ATL3: variants seen among roughly 807,000 people sequenced by gnomAD.
ATL3 encodes atlastin GTPase 3.
ATL3 carries 49 observed loss-of-function variants against 69.5 expected under a neutral mutation model. That is an observed-to-expected ratio of 0.71 (90% CI 0.56 to 0.89). The LOEUF (loss-of-function observed/expected upper bound fraction) is 0.89. ATL3 is among the 40% of genes least tolerant of loss of function. ATL3 has a pLI of 0.00. For synonymous variants in ATL3, 214 were observed against 224.1 expected (o/e 0.95, Z 0.40); for missense variants, 606 against 645.7 (o/e 0.94, Z 0.67).
chr11:63,664,966 C>T (rs966777502), intron 1 of ATL3, among the ~76,000 whole-genome samples: 2 of 152,120 alleles, frequency 1.3e-5, no homozygotes, highest in Non-Finnish European at 2.9e-5. Context: ...GGCTACAACC[C>T]AAAGGATCCA....
At chr11:63,637,833 A>G (rs1939569929) in intron 8 of ATL3, 1 of 152,220 alleles carries the variant, frequency 6.6e-6, no homozygotes, top group Non-Finnish European at 1.5e-5. Flanking sequence ...TGGGAAAAAT[A>G]CTTTATAACC....
chr11:63,654,857 C>T (rs564363972), intron 3 of ATL3, among the ~76,000 whole-genome samples: 1 of 150,986 alleles, frequency 6.6e-6, no homozygotes, highest in Admixed American at 6.6e-5. Context: ...CCACCATACC[C>T]GGCTAATTTT....
chr11:63,670,622 A>G (rs1323758629), intron 1 of ATL3: 1 of 152,354 alleles, frequency 6.6e-6, no homozygotes, highest in East Asian at 1.9e-4. Flanking sequence ...CGGGAAAGCA[A>G]AAGAACAACG....
intron 7 of ATL3, among the ~76,000 whole-genome samples, chr11:63,643,845 A>G (rs1004787538): frequency 3.3e-5 from 2 of 61,102 alleles, no homozygotes; most frequent in African/African-American, 1.3e-4. Flanking sequence ...ATCCCAAAAT[A>G]AGTAAAAATT....
intron 5 of ATL3, among the ~76,000 whole-genome samples, chr11:63,649,072 C>T (rs1939984827): frequency 6.6e-6 from 1 of 151,942 alleles, no homozygotes; most frequent in Non-Finnish European, 1.5e-5. Context: ...AGTGAGTGAG[C>T]CAAGATCGTG....
At chr11:63,661,744 C>G (rs1940426207) in intron 1 of ATL3, among the ~76,000 whole-genome samples, 1 of 151,932 alleles carries the variant, frequency 6.6e-6, no homozygotes, top group Non-Finnish European at 1.5e-5. Flanking sequence ...ACAAAATTAG[C>G]CCGGTGTGGT....
intron 1 of ATL3, among the ~76,000 whole-genome samples, chr11:63,669,737 A>T (rs1940714340): frequency 1.3e-5 from 2 of 152,096 alleles, no homozygotes; most frequent in Non-Finnish European, 2.9e-5. Context: ...ACCTGAGGTC[A>T]GGAGTTCGAG....
chr11:63,632,128 A>AC, intron 11 of ATL3: 1 of 350,732 alleles, frequency 2.9e-6, no homozygotes, highest in Non-Finnish European at 5.6e-6. Context: ...ACATGCTTTA[A>AC]TTTTTTTTTT....
intron 1 of ATL3, among the ~76,000 whole-genome samples, chr11:63,660,468 A>T (rs1940387071): frequency 6.6e-6 from 1 of 152,218 alleles, no homozygotes; most frequent in Non-Finnish European, 1.5e-5. Context: ...ACACATTCTG[A>T]TAGGAGCACA....
At position 63,655,729 on chromosome 11, in the gene ATL3, C is replaced by T. The variant is rs537391463; in HGVS notation, c.405+3032G>A. Among the ~76,000 whole-genome samples, 22 of 151,960 alleles carry T rather than the reference C, an allele frequency of 1.4e-4. No homozygotes were observed. In the South Asian group the frequency reaches 3.1e-3, roughly 22 times the overall value. The stretch of plus-strand genomic sequence containing the variant: ...CCCAAAGTGTGAGATTACAGACGTG[C>T]GCCACCGCGCCGGCCAAAGAATTTT... On this transcript the variant is annotated intron_variant, in intron 3 of 12. Transcript: ENST00000398868.
chr11:63,636,178 A>T (rs1939508396), intron 9 of ATL3, 29 bp downstream of exon 9: 1 of 1,592,232 alleles, frequency 6.3e-7, no homozygotes, highest in Non-Finnish European at 8.5e-7. Flanking sequence ...CAAAAATCAA[A>T]CATTTTAATA....
chr11:63,644,078 C>G, intron 7 of ATL3, 91 bp downstream of exon 7: 2 of 809,268 alleles, frequency 2.5e-6, no homozygotes, highest in Non-Finnish European at 4.1e-6. Context: ...ATATCATTTT[C>G]AATAATTGCT....
intron 10 of ATL3, among the ~76,000 whole-genome samples, chr11:63,634,840 G>T (rs1339131773): frequency 6.6e-6 from 1 of 151,772 alleles, no homozygotes; most frequent in African/African-American, 2.4e-5. Flanking sequence ...GACACAGCAA[G>T]ACCACATCCC....
intron 3 of ATL3, among the ~76,000 whole-genome samples, chr11:63,658,290 G>A (rs897342804): frequency 1.2e-4 from 18 of 152,204 alleles, no homozygotes; most frequent in Non-Finnish European, 1.5e-5. Flanking sequence ...AATAGTGTGT[G>A]AAGGAAAGCT....
chr11:63,654,500 C>T (rs1276024163), intron 3 of ATL3, among the ~76,000 whole-genome samples: 3 of 151,926 alleles, frequency 2.0e-5, no homozygotes, highest in Non-Finnish European at 4.4e-5. Flanking sequence ...CAGGTCCAAG[C>T]GATTCTCCTG....
intron 10 of ATL3, among the ~76,000 whole-genome samples, chr11:63,633,957 C>A (rs577539774): frequency 2.3e-4 from 34 of 149,620 alleles, no homozygotes; most frequent in African/African-American, 8.1e-4. Context: ...ACTACTTGAA[C>A]CCAGGAGGTA....
chr11:63,671,355 C>T lies in ATL3; in HGVS notation c.-20G>A. The T allele has an allele frequency of 6.3e-7, 1 of 1,576,156 alleles. No homozygotes were observed. Among genetic ancestry groups the T allele is most frequent in the African/African-American group, 1.4e-5 (1 of 71,396 alleles). ...CAACATGGAGCCTCCGCCTTCAAAG[C>T]AGAAGCAGCAGGGGTGCAGAGGAGA... On this transcript the variant is annotated 5_prime_UTR_variant, in exon 1 of 13. Coordinates refer to ENST00000398868, the MANE Select transcript of ATL3 (RefSeq NM_015459.5).
Position 63,631,208 on chromosome 11 carries a change from G to C in ATL3, c.1371C>G (p.Ala457=). 1 of 1,614,220 alleles carries C rather than the reference G, an allele frequency of 6.2e-7. No homozygotes were observed. Among genetic ancestry groups the C allele is most frequent in the Non-Finnish European group, 8.5e-7 (1 of 1,180,048 alleles). Residue 457 remains alanine, a synonymous_variant, in exon 12 of 13, where the codon GCC becomes GCG. Transcript: ENST00000398868. ...GACCTATGAAGCCAGTGAGGCCTGAGGCTATGTACAAAGCTACAATGCCCG... is the reference window on the plus strand; with the variant it reads ...GACCTATGAAGCCAGTGAGGCCTGACGCTATGTACAAAGCTACAATGCCCG... ...LFTGIVALYI[A]SGLTGFIGLE... is the part of the protein sequence containing the mutation.
At chr11:63,658,462 T>C (rs1347427963) in intron 3 of ATL3, among the ~76,000 whole-genome samples, 1 of 152,040 alleles carries the variant, frequency 6.6e-6, no homozygotes, top group Non-Finnish European at 1.5e-5. Flanking sequence ...AACAAAAAAG[T>C]CTGTATAGCT....
Sources: allele counts gnomAD v4.1 joint callset (sites outside exome capture counted in the v4.1 genomes callset), GRCh38; gene constraint gnomAD v4.1.1; transcripts MANE v1.5; gene names NCBI Gene and HGNC (gene_info 2026-07-23, HGNC 2026-07-21).